Variants in WWOX observed in about 807,000 individuals in gnomAD.
WWOX encodes WW domain-containing oxidoreductase.
A neutral mutation model predicts 46.2 loss-of-function variants in WWOX; 69 were observed. The ratio of observed to expected loss-of-function variants is 1.49; its 90% confidence interval spans 1.23 to 1.82. The LOEUF (loss-of-function observed/expected upper bound fraction) is 1.82, where lower values mean the gene tolerates loss of function less well. WWOX is among the 40% of genes most tolerant of loss of function. The pLI, the probability that WWOX is intolerant of heterozygous loss-of-function variation, is 0.00. For synonymous variants in WWOX, 359 were observed against 202.6 expected (o/e 1.77, Z -6.56); for missense variants, 919 against 542.6 (o/e 1.69, Z -6.89).
chr16:78,401,726 G>T (rs2082418190), intron 6 of WWOX, among the ~76,000 whole-genome samples: 1 of 151,922 alleles, frequency 6.6e-6, no homozygotes, highest in Admixed American at 6.6e-5. Flanking sequence ...TTGAGACGGA[G>T]TCTTGCTCTG....
intron 4 of WWOX, among the ~76,000 whole-genome samples, chr16:78,156,899 C>G (rs114643250): frequency 0.023 from 3,445 of 152,248 alleles, 148 homozygotes; most frequent in African/African-American, 0.078. Context: ...CCGCTGCACT[C>G]CAGCCCGGGT....
In WWOX at chr16:79,212,184, G is replaced by T; in HGVS notation, c.*388G>T. 1 of 1,471,404 alleles carries T rather than the reference G, an allele frequency of 6.8e-7. No individual in the cohort carries two copies. Among genetic ancestry groups the T allele is most frequent in the Non-Finnish European group, 8.9e-7 (1 of 1,118,782 alleles). The allele number at this position is 1,471,404 out of a possible 1,614,324, so 91.1% of individuals were successfully genotyped here. A position where few individuals can be genotyped will look rare whatever the true frequency, so the allele number is the denominator to read the frequency against. ...CACCACGGCCACCACTGCAGCCGGG[G>T]GCTGGCCTTCTCCTACTTAGGGAAG... On this transcript the variant is annotated 3_prime_UTR_variant, in exon 9 of 9. Transcript: ENST00000566780.
chr16:78,368,559 A>G (rs2081592767), intron 5 of WWOX, among the ~76,000 whole-genome samples: 1 of 152,208 alleles, frequency 6.6e-6, no homozygotes, highest in Non-Finnish European at 1.5e-5. Flanking sequence ...CAAACCAAGG[A>G]GAAAAAGGAA....
intron 8 of WWOX, among the ~76,000 whole-genome samples, chr16:79,010,975 A>C (rs914707771): frequency 6.6e-6 from 1 of 152,146 alleles, no homozygotes; most frequent in Non-Finnish European, 1.5e-5. Context: ...AGGTTTGGGC[A>C]GGCTCTGAGT....
intron 8 of WWOX, among the ~76,000 whole-genome samples, chr16:79,201,236 C>G (rs965359537): frequency 6.6e-6 from 1 of 152,142 alleles, no homozygotes; most frequent in African/African-American, 2.4e-5. Context: ...CCTGCTGATT[C>G]TCAGCTCCCT....
intron 8 of WWOX, among the ~76,000 whole-genome samples, chr16:78,856,441 G>A (rs986626028): frequency 9.2e-5 from 14 of 152,138 alleles, no homozygotes; most frequent in Admixed American, 5.2e-4. Context: ...TCAAGAGTTC[G>A]AGACCAGCCT....
intron 8 of WWOX, among the ~76,000 whole-genome samples, chr16:78,707,744 G>A (rs762084221): frequency 6.6e-6 from 1 of 151,948 alleles, no homozygotes; most frequent in Non-Finnish European, 1.5e-5. Context: ...TTAGCCTGGT[G>A]TGGTGGTGCA....
At chr16:79,089,514 T>C (rs2048914965) in intron 8 of WWOX, among the ~76,000 whole-genome samples, 2 of 151,966 alleles carry the variant, frequency 1.3e-5, no homozygotes, top group African/African-American at 4.8e-5. Flanking sequence ...GTATTTTTAA[T>C]ACAGACAGGG....
At chr16:78,995,071 G>A (rs2047929) in intron 8 of WWOX, among the ~76,000 whole-genome samples, 148,148 of 150,622 alleles carry the variant, frequency 0.98, 72,927 homozygotes, top group East Asian at 1. Flanking sequence ...AAAAAGTCTG[G>A]AGGATGCCGA....
intron 5 of WWOX, among the ~76,000 whole-genome samples, chr16:78,312,928 C>T (rs2080277070): frequency 6.6e-6 from 1 of 152,186 alleles, no homozygotes; most frequent in African/African-American, 2.4e-5. Flanking sequence ...GCCATTCTCT[C>T]CCCTTATCAG....
At chr16:78,283,250 A>C (rs2079711336) in intron 5 of WWOX, among the ~76,000 whole-genome samples, 1 of 152,128 alleles carries the variant, frequency 6.6e-6, no homozygotes, top group Admixed American at 6.5e-5. Context: ...CCATGCAAGG[A>C]GGAACGATGC....
At chr16:78,641,064 T>C (rs1358273749) in intron 8 of WWOX, among the ~76,000 whole-genome samples, 3 of 152,102 alleles carry the variant, frequency 2.0e-5, no homozygotes, top group African/African-American at 7.2e-5. Context: ...ATAGAACAGC[T>C]GAAACACTCC....
At chr16:78,880,770 A>G (rs1244470110) in intron 8 of WWOX, among the ~76,000 whole-genome samples, 3 of 152,170 alleles carry the variant, frequency 2.0e-5, no homozygotes, top group Non-Finnish European at 4.4e-5. Context: ...GGTTTCAAAG[A>G]ACTAACTGTA....
intron 8 of WWOX, among the ~76,000 whole-genome samples, chr16:78,980,852 G>A (rs1871090182): frequency 6.6e-6 from 1 of 152,178 alleles, no homozygotes; most frequent in South Asian, 2.1e-4. Context: ...AGGGATTATG[G>A]TTCTGTAATC....
At chr16:78,877,173 G>C (rs1201581187) in intron 8 of WWOX, among the ~76,000 whole-genome samples, 1 of 152,174 alleles carries the variant, frequency 6.6e-6, no homozygotes, top group African/African-American at 2.4e-5. Context: ...AACGAGAAAA[G>C]TTATTCCTAT....
intron 8 of WWOX, among the ~76,000 whole-genome samples, chr16:78,672,564 G>C (rs914224774): frequency 6.6e-6 from 1 of 152,208 alleles, no homozygotes; most frequent in Non-Finnish European, 1.5e-5. Context: ...AGAAGTCATT[G>C]CATCTCCAAA....
intron 8 of WWOX, among the ~76,000 whole-genome samples, chr16:78,499,921 G>C (rs1597171850): frequency 6.6e-6 from 1 of 152,130 alleles, no homozygotes; most frequent in African/African-American, 2.4e-5. Context: ...TGCCTAAATA[G>C]GATTAAGTAG....
At chr16:78,470,235 T>C (rs951780791) in intron 8 of WWOX, among the ~76,000 whole-genome samples, 1 of 152,182 alleles carries the variant, frequency 6.6e-6, no homozygotes, top group Non-Finnish European at 1.5e-5. Flanking sequence ...TGGAGCATTT[T>C]AAGGATGAGG....
chr16:78,887,080 G>A (rs1283055420), intron 8 of WWOX, among the ~76,000 whole-genome samples: 4 of 122,520 alleles, frequency 3.3e-5, no homozygotes, highest in Non-Finnish European at 4.9e-5. Flanking sequence ...TGTGTGTGGT[G>A]TGTGTGTGTG....
Sources: allele counts gnomAD v4.1 joint callset (sites outside exome capture counted in the v4.1 genomes callset), GRCh38; gene constraint gnomAD v4.1.1; transcripts MANE v1.5; gene names NCBI Gene and HGNC (gene_info 2026-07-23, HGNC 2026-07-21).